YIPF4: variants seen among roughly 807,000 people sequenced by gnomAD.
YIPF4 encodes the protein protein YIPF4.
Under a neutral mutation model 29.4 loss-of-function variants are expected in YIPF4, and 18 were observed. The observed-to-expected ratio is 0.61, with a 90% CI of 0.42 to 0.91. The LOEUF (loss-of-function observed/expected upper bound fraction) is 0.91. Among genes scored for constraint, YIPF4 ranks in the 40% least tolerant of loss-of-function variants. The probability of loss-of-function intolerance (pLI) is 0.00; values close to 1 mark genes in which losing one functional copy is unlikely to be tolerated. For missense variants in YIPF4, 279 were observed against 282.7 expected (o/e 0.99, Z 0.09); for synonymous variants, 115 against 104.7 (o/e 1.10, Z -0.60).
Position 32,306,988 on chromosome 2 carries a change from C to A in YIPF4, c.*1362C>A. The A allele has an allele frequency of 3.3e-6, 2 of 609,524 alleles. No individual in the cohort carries two copies. Among genetic ancestry groups the A allele is most frequent in the Non-Finnish European group, 4.9e-6 (2 of 406,358 alleles). The allele number at this position is 609,524 out of a possible 1,614,324, so 37.8% of individuals were successfully genotyped here. On this transcript the variant is annotated 3_prime_UTR_variant, in exon 6 of 6. Transcript: ENST00000238831. The stretch of plus-strand genomic sequence containing the variant: ...TTATCAAGCCCAGCCGTCTTCCTTT[C>A]CCCTAATCCCAAAAGGAAAGAAAGA...
chr2:32,292,915 G>A (rs753968176), intron 3 of YIPF4, among the ~76,000 whole-genome samples: 1 of 150,660 alleles, frequency 6.6e-6, no homozygotes, highest in Admixed American at 6.6e-5. Flanking sequence ...GCACACTGGG[G>A]TAAATGAATA....
At chr2:32,285,797 A>G (rs1256690553) in intron 1 of YIPF4, among the ~76,000 whole-genome samples, 1 of 151,942 alleles carries the variant, frequency 6.6e-6, no homozygotes, top group East Asian at 1.9e-4. Context: ...CTGGGATTAC[A>G]GGTGCTCGCC....
Position 32,308,941 on chromosome 2 carries a change from G to A in YIPF4, c.*3315G>A. The A allele has an allele frequency of 6.7e-6, 1 of 148,392 alleles. No individual in the cohort carries two copies. Among genetic ancestry groups the A allele is most frequent in the Admixed American group, 6.9e-5 (1 of 14,552 alleles). 9.2% of individuals were successfully genotyped at this position (148,392 alleles called of 1,614,324 possible). A position where few individuals can be genotyped will look rare whatever the true frequency, so the allele number is the denominator to read the frequency against. ...AGCTACTTGGGAGGCTGAGGCAGGA[G>A]AATCGCTTGAACCCGGGAGGCAGAG... On this transcript the variant is annotated 3_prime_UTR_variant, in exon 6 of 6. Coordinates refer to ENST00000238831, the MANE Select transcript of YIPF4 (RefSeq NM_032312.4).
intron 1 of YIPF4, among the ~76,000 whole-genome samples, chr2:32,281,099 T>G (rs1573522767): frequency 6.6e-6 from 1 of 152,234 alleles, no homozygotes; most frequent in Non-Finnish European, 1.5e-5. Flanking sequence ...TGAAGTTTAT[T>G]CAAACTTCTC....
intron 5 of YIPF4, 92 bp downstream of exon 5, chr2:32,301,587 C>G: frequency 1.3e-6 from 1 of 778,964 alleles, no homozygotes; most frequent in Non-Finnish European, 2.0e-6. Context: ...ATATAAAACT[C>G]TTTATCAAAC....
intron 1 of YIPF4, among the ~76,000 whole-genome samples, chr2:32,278,934 C>A (rs1183206554): frequency 6.6e-6 from 1 of 152,070 alleles, no homozygotes; most frequent in Non-Finnish European, 1.5e-5. Flanking sequence ...ATTCTCAGTT[C>A]CCTATCCAAC....
chr2:32,313,932 G>A lies in YIPF4; in HGVS notation c.*8306G>A, dbSNP rs1011919185. ...TGGTCTCGAACTGCTAACCTCAGGTGATCTGCCCGCCTTGGCCTCCCAAAG... is the reference window on the plus strand; with the variant it reads ...TGGTCTCGAACTGCTAACCTCAGGTAATCTGCCCGCCTTGGCCTCCCAAAG... On this transcript the variant is annotated 3_prime_UTR_variant, in exon 6 of 6. Transcript: ENST00000238831. The A allele has an allele frequency of 4.6e-5, 7 of 152,160 alleles. No homozygotes were observed. The highest frequency in any genetic ancestry group is 1.3e-4 in the Admixed American group (2 of 15,266). The allele number at this position is 152,160 out of a possible 1,614,324, so 9.4% of individuals were successfully genotyped here. A position where few individuals can be genotyped will look rare whatever the true frequency, so the allele number is the denominator to read the frequency against.
At chr2:32,281,129 T>G (rs2030389027) in intron 1 of YIPF4, among the ~76,000 whole-genome samples, 1 of 152,194 alleles carries the variant, frequency 6.6e-6, no homozygotes, top group South Asian at 2.1e-4. Context: ...TCAGGAGACA[T>G]ATAGGTCTGT....
At chr2:32,293,232 C>T (rs1428664303) in intron 3 of YIPF4, among the ~76,000 whole-genome samples, 1 of 152,068 alleles carries the variant, frequency 6.6e-6, no homozygotes, top group African/African-American at 2.4e-5. Context: ...GCAGAGGACC[C>T]TGCGGCCTTC....
chr2:32,283,760 C>T (rs896057481), intron 1 of YIPF4, among the ~76,000 whole-genome samples: 10 of 151,508 alleles, frequency 6.6e-5, no homozygotes, highest in African/African-American at 9.7e-5. Context: ...CTGTGTTGCC[C>T]GGGCTGGAGT....
In YIPF4 at chr2:32,314,948, CAT is replaced by C. The variant is rs1274654854; in HGVS notation, c.*9325_*9326del. ...GTGGGGATACTGTATCAGATAGGAA[CAT>C]ATTTGGTTGCAAGAAACAAAAATTC... On this transcript the variant is annotated 3_prime_UTR_variant, in exon 6 of 6. Coordinates refer to ENST00000238831, the MANE Select transcript of YIPF4 (RefSeq NM_032312.4). 6.6e-6 allele frequency: 1 copy of C among 152,078 alleles called. No homozygotes were observed. The highest frequency in any genetic ancestry group is 6.6e-5 in the Admixed American group (1 of 15,246). 9.4% of individuals were successfully genotyped at this position (152,078 alleles called of 1,614,324 possible). A position where few individuals can be genotyped will look rare whatever the true frequency, so the allele number is the denominator to read the frequency against.
rs968328735 is a variant in YIPF4, at chr2:32,280,899, A to C, written c.79+2665A>C. Among the ~76,000 whole-genome samples the C allele has an allele frequency of 3.5e-4, 54 of 152,218 alleles. 1 individual carries two copies. The highest frequency in any genetic ancestry group is 1.3e-3 in the African/African-American group (52 of 41,450). On this transcript the variant is annotated intron_variant, in intron 1 of 5. Coordinates refer to ENST00000238831, the MANE Select transcript of YIPF4 (RefSeq NM_032312.4). Reference sequence around the variant, plus strand: ...ATCAACTTTAATTTCCCAGGTTTAAAAAAATTGTTTAAGTGTCAGAACATG... The same window carrying C: ...ATCAACTTTAATTTCCCAGGTTTAACAAAATTGTTTAAGTGTCAGAACATG...
At chr2:32,291,031 G>A (rs2030887734) in intron 2 of YIPF4, 1 of 152,412 alleles carries the variant, frequency 6.6e-6, no homozygotes, top group Non-Finnish European at 1.5e-5. Flanking sequence ...TTCTAGAGCT[G>A]CCACTGGGAG....
At chr2:32,287,961 C>T (rs985174567) in intron 1 of YIPF4, among the ~76,000 whole-genome samples, 7 of 152,208 alleles carry the variant, frequency 4.6e-5, no homozygotes, top group Admixed American at 1.3e-4. Flanking sequence ...ACTATCTGGA[C>T]GTCTATCCAA....
In YIPF4 at chr2:32,306,548, A is replaced by C. The variant is rs1403010822; in HGVS notation, c.*922A>C. On this transcript the variant is annotated 3_prime_UTR_variant, in exon 6 of 6. Coordinates refer to ENST00000238831, the MANE Select transcript of YIPF4 (RefSeq NM_032312.4). ...GTTGAACAATGTTATATGAAGTAGA[A>C]AAAATAAAATACTTCCCAGTTGTGT... 2.0e-6 allele frequency: 2 copies of C among 985,218 alleles called. No individual in the cohort carries two copies. The highest frequency in any genetic ancestry group is 2.3e-4 in the East Asian group (2 of 8,836). The allele number at this position is 985,218 out of a possible 1,614,324, so 61.0% of individuals were successfully genotyped here.
At chr2:32,303,943 T>G (rs191565216) in intron 5 of YIPF4, among the ~76,000 whole-genome samples, 98 of 152,296 alleles carry the variant, frequency 6.4e-4, no homozygotes, top group African/African-American at 2.0e-3. Flanking sequence ...CTGAGACTAC[T>G]CCCAAAATGG....
intron 4 of YIPF4, among the ~76,000 whole-genome samples, chr2:32,300,431 C>CT (rs1467136660): frequency 5.0e-5 from 6 of 119,230 alleles, no homozygotes; most frequent in African/African-American, 1.9e-4. Flanking sequence ...AGGACTCCGT[C>CT]TTTAAAAAAA....
rs144768480 is a variant in YIPF4, at chr2:32,308,609, A to C, written c.*2983A>C. 0.03 allele frequency: 4,623 copies of C among 154,080 alleles called. 91 individuals are homozygous for C. Among genetic ancestry groups the C allele is most frequent in the South Asian group, 0.061 (303 of 4,940 alleles). The allele number at this position is 154,080 out of a possible 1,614,324, so 9.5% of individuals were successfully genotyped here. On this transcript the variant is annotated 3_prime_UTR_variant, in exon 6 of 6. Coordinates refer to ENST00000238831, the MANE Select transcript of YIPF4 (RefSeq NM_032312.4). ...ATACCTGTAATCTCAGCTACTGGGG[A>C]AGCTGAGACAGGAGAATTGCTTGAA...
chr2:32,278,962 TTCTGCTAG>T (rs2030245604), intron 1 of YIPF4, among the ~76,000 whole-genome samples: 1 of 151,932 alleles, frequency 6.6e-6, no homozygotes, highest in Non-Finnish European at 1.5e-5. Flanking sequence ...CTGGATATTA[TTCTGCTAG>T]TCATTTTCAA....
Sources: allele counts gnomAD v4.1 joint callset (sites outside exome capture counted in the v4.1 genomes callset), GRCh38; gene constraint gnomAD v4.1.1; transcripts MANE v1.5; gene names NCBI Gene and HGNC (gene_info 2026-07-23, HGNC 2026-07-21).